The following ARFGEF1 variants were observed in gnomAD, a reference collection of about 807,000 sequenced individuals.
The protein encoded by ARFGEF1 is ARF guanine nucleotide exchange factor 1.
A neutral mutation model predicts 231.0 loss-of-function variants in ARFGEF1; 42 were observed. The observed-to-expected ratio is 0.18, with a 90% CI of 0.14 to 0.24. The LOEUF (loss-of-function observed/expected upper bound fraction) is 0.24, where lower values mean the gene tolerates loss of function less well. ARFGEF1 is among the 10% of genes least tolerant of loss of function. The pLI is 1.00. For synonymous variants in ARFGEF1, 710 were observed against 732.3 expected, an observed-to-expected ratio of 0.97 and a Z score of 0.49; for missense variants, 1,345 against 2,192.0, an observed-to-expected ratio of 0.61 and a Z score of 7.72.
At chr8:67,200,995 G>A (rs975942793) in intron 37 of ARFGEF1, among the ~76,000 whole-genome samples, 3 of 152,216 alleles carry the variant, frequency 2.0e-5, no homozygotes, top group Non-Finnish European at 2.9e-5. Context: ...TATTCCGTAA[G>A]TAGATATGAT....
chr8:67,178,536 G>A (rs1287388616), intron 5 of ARFGEF1, among the ~76,000 whole-genome samples: 1 of 152,180 alleles, frequency 6.6e-6, no homozygotes, highest in Non-Finnish European at 1.5e-5. Flanking sequence ...TTGAATCATG[G>A]TGCTGTGGAG....
chr8:67,175,367 C>A (rs374717800), downstream of ARFGEF1: 25 of 1,613,964 alleles, frequency 1.5e-5, no homozygotes, highest in African/African-American at 3.2e-4. Context: ...CTTAGAGATT[C>A]AGCAGCAAGC....
At chr8:67,300,460 G>A (rs1341415307) in intron 3 of ARFGEF1, among the ~76,000 whole-genome samples, 1 of 152,000 alleles carries the variant, frequency 6.6e-6, no homozygotes, top group Non-Finnish European at 1.5e-5. Flanking sequence ...GACTGCCATC[G>A]CTAAAGTATA....
intron 29 of ARFGEF1, among the ~76,000 whole-genome samples, chr8:67,222,184 TATATATATATATATATATATAC>T (rs1839197379): frequency 1.5e-5 from 1 of 65,682 alleles, no homozygotes; most frequent in East Asian, 5.8e-4. Context: ...TATATACACA[TATATATATATATATATATATAC>T]ACACACATAT....
Position 67,318,408 on chromosome 8 carries a change from T to C in ARFGEF1, c.125-15942A>G, listed in dbSNP as rs529203071. Reference sequence around the variant, plus strand: ...GTAGCTACACAAAACCAAGAGCTGGTTGGGTGAGGAAACCCTCTCATCATT... The same window carrying C: ...GTAGCTACACAAAACCAAGAGCTGGCTGGGTGAGGAAACCCTCTCATCATT... On this transcript the variant is annotated intron_variant, in intron 1 of 38. Coordinates refer to ENST00000262215, the MANE Select transcript of ARFGEF1 (RefSeq NM_006421.5). Among the ~76,000 whole-genome samples, 30 of 152,242 alleles carry C rather than the reference T, an allele frequency of 2.0e-4. No homozygotes were observed. The South Asian group carries it at 4.6e-3, about 23-fold the overall frequency.
At chr8:67,317,278 G>A (rs1420297226) in intron 1 of ARFGEF1, among the ~76,000 whole-genome samples, 1 of 152,176 alleles carries the variant, frequency 6.6e-6, no homozygotes, top group Non-Finnish European at 1.5e-5. Context: ...AACCGGAGGA[G>A]ATAACAGGAA....
At chr8:67,195,722 AT>A, downstream of ARFGEF1, 1 of 669,400 alleles carries the variant, frequency 1.5e-6, no homozygotes, top group Admixed American at 2.9e-5. Context: ...ATATAAAATT[AT>A]TTTTATCATG....
chr8:67,267,729 ATTTC>A (rs948989438), intron 10 of ARFGEF1, among the ~76,000 whole-genome samples: 14 of 152,294 alleles, frequency 9.2e-5, no homozygotes, highest in East Asian at 1.9e-4. Flanking sequence ...CTAGGTGATA[ATTTC>A]TTTAACATTT....
chr8:67,286,001 A>G (rs1391606456), intron 7 of ARFGEF1, among the ~76,000 whole-genome samples: 2 of 152,196 alleles, frequency 1.3e-5, no homozygotes, highest in African/African-American at 2.4e-5. Context: ...AAAAAAGGAT[A>G]TAAGACACAT....
At chr8:67,216,436 TA>T (rs111756530) in intron 33 of ARFGEF1, among the ~76,000 whole-genome samples, 153 bp downstream of exon 33, 110 of 149,170 alleles carry the variant, frequency 7.4e-4, no homozygotes, top group African/African-American at 2.2e-3. Flanking sequence ...TTCGTAATTG[TA>T]AAAAAAAAAT....
At chr8:67,239,885 TA>T (rs1370129240) in intron 20 of ARFGEF1, among the ~76,000 whole-genome samples, 1 of 152,114 alleles carries the variant, frequency 6.6e-6, no homozygotes, top group African/African-American at 2.4e-5. Flanking sequence ...CAAATTAACA[TA>T]GGAATTCAAA....
At chr8:67,256,477 C>A (rs1023755998) in intron 17 of ARFGEF1, among the ~76,000 whole-genome samples, 1 of 151,988 alleles carries the variant, frequency 6.6e-6, no homozygotes, top group African/African-American at 2.4e-5. Context: ...TTAAACATCT[C>A]AAAACAGACA....
At chr8:67,187,339 C>G (rs913240954) in intron 5 of ARFGEF1, among the ~76,000 whole-genome samples, 1 of 152,152 alleles carries the variant, frequency 6.6e-6, no homozygotes, top group African/African-American at 2.4e-5. Flanking sequence ...ATAAACAAGA[C>G]AGTGTGGCAT....
intron 26 of ARFGEF1, 37 bp from the exon 27 acceptor site, chr8:67,227,346 C>T (rs747374009): frequency 2.7e-5 from 43 of 1,598,810 alleles, no homozygotes; most frequent in South Asian, 4.5e-5. Context: ...ATATGCAAAC[C>T]GATAAAACTC....
chr8:67,291,811 AAC>A, intron 6 of ARFGEF1, 34 bp downstream of exon 6: 1 of 1,598,698 alleles, frequency 6.3e-7, no homozygotes, highest in Non-Finnish European at 8.5e-7. Flanking sequence ...CATTTCCCTT[AAC>A]ACACACCCCA....
chr8:67,340,482 G>C (rs1050196756), intron 1 of ARFGEF1, among the ~76,000 whole-genome samples: 1 of 152,216 alleles, frequency 6.6e-6, no homozygotes, highest in Non-Finnish European at 1.5e-5. Context: ...TAGTGAAGTG[G>C]AGAAGATAAG....
intron 7 of ARFGEF1, among the ~76,000 whole-genome samples, chr8:67,285,374 G>A (rs764500827): frequency 5.3e-5 from 8 of 152,112 alleles, no homozygotes; most frequent in Middle Eastern, 3.4e-3. Context: ...AAAACTAGCC[G>A]GGCGTGGTGG....
intron 1 of ARFGEF1, among the ~76,000 whole-genome samples, chr8:67,306,582 C>A (rs1209842057): frequency 6.6e-6 from 1 of 151,946 alleles, no homozygotes; most frequent in Non-Finnish European, 1.5e-5. Context: ...ACAAATACAA[C>A]CCGCAAAATA....
intron 7 of ARFGEF1, among the ~76,000 whole-genome samples, chr8:67,281,371 AC>A (rs1805529649): frequency 6.6e-6 from 1 of 152,174 alleles, no homozygotes; most frequent in East Asian, 1.9e-4. Context: ...ATTTAAAAAA[AC>A]AAAAGTAAAA....
Sources: allele counts gnomAD v4.1 joint callset (sites outside exome capture counted in the v4.1 genomes callset), GRCh38; gene constraint gnomAD v4.1.1; transcripts MANE v1.5; gene names NCBI Gene and HGNC (gene_info 2026-07-23, HGNC 2026-07-21).